Variants in LAMP5 observed in about 807,000 individuals in gnomAD.
The protein encoded by LAMP5 is lysosome associated membrane protein 5, also known as lysosome-associated membrane glycoprotein 5.
LAMP5 carries 36 observed loss-of-function variants against 30.2 expected under a neutral mutation model. The ratio of observed to expected loss-of-function variants is 1.19; its 90% CI spans 0.91 to 1.57. The LOEUF (loss-of-function observed/expected upper bound fraction) is 1.57. LAMP5 is among the 40% of genes most tolerant of loss of function. The pLI is 0.00. For missense variants in LAMP5, 377 were observed against 354.9 expected (o/e 1.06, Z -0.50); for synonymous variants, 149 against 134.6 (o/e 1.11, Z -0.74).
At position 9,515,471 on chromosome 20, in the gene LAMP5, T is replaced by C. The variant is rs2045029072; in HGVS notation, c.83T>C (p.Met28Thr). The C allele has an allele frequency of 1.2e-6, 2 of 1,614,008 alleles. No individual in the cohort carries two copies. Among genetic ancestry groups the C allele is most frequent in the Non-Finnish European group, 1.7e-6 (2 of 1,179,938 alleles). The change falls in exon 2 of 6, where the codon ATG becomes ACG. Residue 28 changes from methionine to threonine, a missense_variant. Met to Thr is a moderately conservative substitution (Grantham distance 81). Transcript: ENST00000246070. The stretch of plus-strand genomic sequence containing the variant: ...TCCGCAGATACAATGGCTCAAATCA[T>C]GGCAGAACAAGAAGTGGAAAATCTC... ...LMLFHTMAQI[M>T]AEQEVENLSG...
In LAMP5 at chr20:9,527,332, T is replaced by C. The variant is rs532259246; in HGVS notation, c.665-2310T>C. Among the ~76,000 whole-genome samples, 4 of 152,310 alleles carry C rather than the reference T, an allele frequency of 2.6e-5. No homozygotes were observed. In the East Asian group the frequency reaches 7.7e-4, roughly 29 times the overall value. On this transcript the variant is annotated intron_variant, in intron 5 of 5. Transcript: ENST00000246070. ...GTAAAATGAGTATAATAATATTGTG[T>C]ACCTCAGAGGGTTGTTAACCAGATA... is the stretch of plus-strand genomic sequence containing the variant.
chr20:9,516,272 C>T lies in LAMP5; in HGVS notation c.386C>T (p.Ser129Phe). 1 of 1,614,150 alleles carries T rather than the reference C, an allele frequency of 6.2e-7. No homozygotes were observed. The highest frequency in any genetic ancestry group is 1.1e-5 in the South Asian group (1 of 91,084). Residue 129 changes from serine (S) to phenylalanine (F), a missense_variant, in exon 4 of 6, where the codon TCC becomes TTC. Ser to Phe is a radical substitution (Grantham distance 155). Transcript: ENST00000246070. Reference protein sequence around the residue: ...MLFVKESHNMSKGPEATWRLS... With the variant: ...MLFVKESHNMFKGPEATWRLS... ...GCTCAACAGGAAAGCCACAACATGTCCAAGGGACCTGAGGCGACTTGGAGG... is the reference window on the plus strand; with the variant it reads ...GCTCAACAGGAAAGCCACAACATGTTCAAGGGACCTGAGGCGACTTGGAGG...
At chr20:9,521,194 C>A (rs145313624) in intron 5 of LAMP5, among the ~76,000 whole-genome samples, 1 of 152,246 alleles carries the variant, frequency 6.6e-6, no homozygotes, top group Non-Finnish European at 1.5e-5. Context: ...CAAGGGAATG[C>A]CCAAAGCAGA....
At chr20:9,517,166 AT>A (rs1036097944) in intron 4 of LAMP5, among the ~76,000 whole-genome samples, 2 of 152,006 alleles carry the variant, frequency 1.3e-5, no homozygotes, top group East Asian at 3.9e-4. Context: ...TAAAAGGAGG[AT>A]TTTTTCTTTT....
At chr20:9,523,402 T>G in intron 5 of LAMP5, among the ~76,000 whole-genome samples, 1 of 152,156 alleles carries the variant, frequency 6.6e-6, no homozygotes, top group African/African-American at 2.4e-5. Context: ...TGCCATTCAT[T>G]GGGGGTGCAA....
rs2045035046 is a variant in LAMP5 at position 9,516,006 on chromosome 20, A to C, written c.244A>C (p.Thr82Pro). 2.6e-6 allele frequency: 4 copies of C among 1,512,446 alleles called. No individual in the cohort carries two copies. The highest frequency in any genetic ancestry group is 3.5e-6 in the Non-Finnish European group (4 of 1,133,656). 93.7% of individuals were successfully genotyped at this position (1,512,446 alleles called of 1,614,324 possible). ...VWASNYVDLI[T>P]EQADIALTRG... The stretch of plus-strand genomic sequence containing the variant: ...GGGGCGTCTGTGTTCCCAGCTGATC[A>C]CAGAACAGGCCGATATCGCATTGAC... Residue 82 changes from threonine (T) to proline (P), a missense_variant, in exon 3 of 6, where the codon ACA (threonine) becomes CCA (proline). Transcript: ENST00000246070.
In LAMP5 at chr20:9,529,705, T is replaced by G. The variant is rs900617862; in HGVS notation, c.728T>G (p.Leu243Arg). ...LEETLPLILG[L>R]ILGLVIMVTL... ...GAAACCTTGCCCCTGATTTTGGGGC[T>G]CATCTTGGGCCTCGTCATCATGGTA... is the stretch of plus-strand genomic sequence containing the variant. Residue 243 changes from leucine to arginine, a missense_variant, in exon 6 of 6, where the codon CTC becomes CGC. Coordinates refer to ENST00000246070, the MANE Select transcript of LAMP5 (RefSeq NM_012261.4). The G allele has an allele frequency of 6.2e-7, 1 of 1,614,166 alleles. No homozygotes were observed. The highest frequency in any genetic ancestry group is 1.7e-5 in the Admixed American group (1 of 60,024).
At chr20:9,527,741 C>T (rs375987931) in intron 5 of LAMP5, among the ~76,000 whole-genome samples, 10 of 152,172 alleles carry the variant, frequency 6.6e-5, no homozygotes, top group African/African-American at 1.9e-4. Context: ...TCTGGTTAGC[C>T]TGACAAACTG....
chr20:9,515,903 C>T, intron 2 of LAMP5, 97 bp from the exon 3 acceptor site: 1 of 1,361,336 alleles, frequency 7.3e-7, no homozygotes, highest in Non-Finnish European at 9.7e-7. Flanking sequence ...CAAAGGAGCG[C>T]CCAAGCGTGC....
Position 9,516,362 on chromosome 20 carries a change from G to A in LAMP5, c.475+1G>A. ...ACCCACTTCAAAGACGCAGTCAGTGGTGAGTGGAGGCTGGCATGGCTGGGG... is the reference window on the plus strand; with the variant it reads ...ACCCACTTCAAAGACGCAGTCAGTGATGAGTGGAGGCTGGCATGGCTGGGG... On this transcript the variant is annotated splice_donor_variant, in intron 4 of 5. Transcript: ENST00000246070. LOFTEE classifies it high-confidence loss of function. The A allele has an allele frequency of 6.2e-7, 1 of 1,611,106 alleles. No individual in the cohort carries two copies. The highest frequency in any genetic ancestry group is 8.5e-7 in the Non-Finnish European group (1 of 1,177,274).
Position 9,529,723 on chromosome 20 carries a change from T to C in LAMP5, c.746T>C (p.Ile249Thr). ...LILGLILGLV[I>T]MVTLAIYHVH... Reference sequence around the variant, plus strand: ...TTGGGGCTCATCTTGGGCCTCGTCATCATGGTAACACTCGCGATTTACCAC... The same window carrying C: ...TTGGGGCTCATCTTGGGCCTCGTCACCATGGTAACACTCGCGATTTACCAC... Residue 249 changes from isoleucine to threonine, a missense_variant, in exon 6 of 6, where the codon ATC (isoleucine) becomes ACC (threonine). Ile to Thr is a moderately conservative substitution (Grantham distance 89). Coordinates refer to ENST00000246070, the MANE Select transcript of LAMP5 (RefSeq NM_012261.4). 6.2e-7 allele frequency: 1 copy of C among 1,614,234 alleles called. No homozygotes were observed. The highest frequency in any genetic ancestry group is 8.5e-7 in the Non-Finnish European group (1 of 1,180,034).
chr20:9,529,145 A>G (rs1007523178), intron 5 of LAMP5, among the ~76,000 whole-genome samples: 4 of 152,144 alleles, frequency 2.6e-5, no homozygotes, highest in African/African-American at 7.2e-5. Context: ...GTTTGTCTTT[A>G]TTAGAAATTA....
intron 5 of LAMP5, among the ~76,000 whole-genome samples, chr20:9,518,529 T>C (rs2045058592): frequency 6.6e-6 from 1 of 152,220 alleles, no homozygotes; most frequent in Admixed American, 6.5e-5. Context: ...CCCTCCCTTC[T>C]TATATTTCAT....
In LAMP5 at chr20:9,518,143, T is replaced by G. The variant is rs2045055279; in HGVS notation, c.579T>G (p.Ser193Arg). ...AACAAACCATTTCACTGGCCTCTAG[T>G]GATCCGCAGAAGACGGTCACCATGA... ...QAQQTISLAS[S>R]DPQKTVTMIL... is the part of the protein sequence containing the mutation. Residue 193 changes from serine to arginine, a missense_variant, in exon 5 of 6, where the codon AGT becomes AGG. By Grantham distance (110) the Ser-to-Arg change is moderately radical. Coordinates refer to ENST00000246070, the MANE Select transcript of LAMP5 (RefSeq NM_012261.4). 6.2e-7 allele frequency: 1 copy of G among 1,614,072 alleles called. No individual in the cohort carries two copies. The highest frequency in any genetic ancestry group is 1.3e-5 in the African/African-American group (1 of 74,924).
At chr20:9,522,805 G>A (rs2045087578) in intron 5 of LAMP5, among the ~76,000 whole-genome samples, 1 of 152,130 alleles carries the variant, frequency 6.6e-6, no homozygotes, top group Non-Finnish European at 1.5e-5. Flanking sequence ...AATGGACAGT[G>A]TCTGTGTCCA....
intron 5 of LAMP5, among the ~76,000 whole-genome samples, chr20:9,522,196 C>T (rs2045083627): frequency 6.6e-6 from 1 of 152,126 alleles, no homozygotes; most frequent in Non-Finnish European, 1.5e-5. Context: ...GTTGGGTACC[C>T]CCAATTCATG....
intron 5 of LAMP5, among the ~76,000 whole-genome samples, chr20:9,518,678 G>A (rs1381292072): frequency 2.6e-5 from 4 of 152,228 alleles, no homozygotes; most frequent in African/African-American, 9.6e-5. Flanking sequence ...TATTTAAGAC[G>A]TTAGTTAATC....
chr20:9,526,901 T>TATATATATAC (rs1484307399), intron 5 of LAMP5, among the ~76,000 whole-genome samples: 3 of 114,432 alleles, frequency 2.6e-5, no homozygotes, highest in African/African-American at 3.4e-5. Context: ...TATATATATA[T>TATATATATAC]ACACACACAT....
At chr20:9,523,154 C>T (rs1204346164) in intron 5 of LAMP5, among the ~76,000 whole-genome samples, 2 of 152,008 alleles carry the variant, frequency 1.3e-5, no homozygotes, top group Non-Finnish European at 2.9e-5. Flanking sequence ...AAAGCCCACT[C>T]ATCTTAACAG....
Sources: allele counts gnomAD v4.1 joint callset (sites outside exome capture counted in the v4.1 genomes callset), GRCh38; gene constraint gnomAD v4.1.1; transcripts MANE v1.5; gene names NCBI Gene and HGNC (gene_info 2026-07-23, HGNC 2026-07-21).